Variants in IQSEC1 observed in about 807,000 individuals in gnomAD.
IQSEC1 encodes IQ motif and SEC7 domain-containing protein 1.
Under a neutral mutation model 91.0 loss-of-function variants are expected in IQSEC1, and 31 were observed. The observed-to-expected ratio is 0.34, with a 90% CI of 0.26 to 0.46. IQSEC1 has a LOEUF of 0.46. Ranked by LOEUF, IQSEC1 falls within the 20% of genes least tolerant of loss-of-function variation. IQSEC1 has a pLI of 1.00. For missense variants in IQSEC1, 1,388 were observed against 1,575.6 expected (o/e 0.88, Z 2.02); for synonymous variants, 699 against 662.6 (o/e 1.05, Z -0.84).
At chr3:13,032,847 G>C (rs767198471) in intron 1 of IQSEC1, among the ~76,000 whole-genome samples, 7 of 152,122 alleles carry the variant, frequency 4.6e-5, no homozygotes, top group African/African-American at 1.7e-4. Context: ...GCCTCCCAAA[G>C]TGCTGGGATT....
chr3:12,967,713 G>A lies in IQSEC1; in HGVS notation c.24-25848C>T, dbSNP rs1265325284. On this transcript the variant is annotated intron_variant, in intron 1 of 13. Transcript: ENST00000613206. This position sits in a 1 kb window ranked among gnomAD's most constrained non-coding sequence, Gnocchi z 5.9. Reference sequence around the variant, plus strand: ...TGGCGCAGCGCGAGGCCGGGCCGGAGGAATGTGGCCCTGAAGTGGGCGGGG... The same window carrying A: ...TGGCGCAGCGCGAGGCCGGGCCGGAAGAATGTGGCCCTGAAGTGGGCGGGG... 1 of 1,119,630 alleles carries A rather than the reference G, an allele frequency of 8.9e-7. No individual in the cohort carries two copies. The highest frequency in any genetic ancestry group is 1.1e-6 in the Non-Finnish European group (1 of 917,574). The allele number at this position is 1,119,630 out of a possible 1,614,324, so 69.4% of individuals were successfully genotyped here.
At chr3:12,978,738 T>G (rs1701314015) in intron 1 of IQSEC1, among the ~76,000 whole-genome samples, 1 of 151,922 alleles carries the variant, frequency 6.6e-6, no homozygotes. Flanking sequence ...AAAGAATCTT[T>G]GCACAACAGT....
At chr3:13,236,705 G>A (rs753969551) in intron 1 of IQSEC1, among the ~76,000 whole-genome samples, 6 of 152,206 alleles carry the variant, frequency 3.9e-5, no homozygotes, top group East Asian at 1.9e-4. Flanking sequence ...AGCTCCACCC[G>A]GGCCCCTGTG....
At chr3:13,092,190 C>G (rs1705873862) in intron 2 of IQSEC1, among the ~76,000 whole-genome samples, 2 of 152,150 alleles carry the variant, frequency 1.3e-5, no homozygotes, top group Non-Finnish European at 2.9e-5. Flanking sequence ...AGGGACATAC[C>G]AGGCAGGAGA....
At chr3:12,987,217 G>A (rs560031694) in intron 1 of IQSEC1, among the ~76,000 whole-genome samples, 120 of 152,372 alleles carry the variant, frequency 7.9e-4, no homozygotes, top group African/African-American at 2.6e-3. Flanking sequence ...TGGTCCTGCT[G>A]GGGGCGGGGA....
chr3:13,177,688 T>C (rs357138), intron 1 of IQSEC1, among the ~76,000 whole-genome samples: 113,555 of 152,248 alleles, frequency 0.75, 42,706 homozygotes, highest in African/African-American at 0.85. Context: ...CGCCGGGCCT[T>C]CTGCTAACAG....
chr3:13,171,019 G>C (rs1342587457), intron 1 of IQSEC1, among the ~76,000 whole-genome samples: 1 of 152,002 alleles, frequency 6.6e-6, no homozygotes, highest in Non-Finnish European at 1.5e-5. Context: ...AGAATAGCTT[G>C]AACCCAGGAG....
chr3:13,241,067 C>T (rs906496109), intron 1 of IQSEC1, among the ~76,000 whole-genome samples: 8 of 152,198 alleles, frequency 5.3e-5, no homozygotes, highest in African/African-American at 1.9e-4. Flanking sequence ...TCTGAAGACA[C>T]CAGAATGTGC....
chr3:12,922,094 G>A lies in IQSEC1; in HGVS notation c.1853+26C>T, dbSNP rs770273113. On this transcript the variant is annotated intron_variant, in intron 5 of 13. Coordinates refer to ENST00000613206, the MANE Select transcript of IQSEC1 (RefSeq NM_001134382.3). The surrounding 1 kb of genome is among the most constrained non-coding windows in gnomAD (Gnocchi z 5.1). ...GGGGACACCATTCTTCCCTGATGCA[G>A]CAGCCCCAGCCAGCCCGGGCCCCAC... 9.7e-6 allele frequency: 15 copies of A among 1,545,262 alleles called. No individual in the cohort carries two copies. Among genetic ancestry groups the A allele is most frequent in the African/African-American group, 4.1e-5 (3 of 72,400 alleles).
At chr3:13,047,163 T>G (rs9828397) in intron 1 of IQSEC1, among the ~76,000 whole-genome samples, 5,313 of 152,208 alleles carry the variant, frequency 0.035, 314 homozygotes, top group African/African-American at 0.12. Flanking sequence ...CCCACCAGCC[T>G]TGGATCTCGG....
At position 13,052,820 on chromosome 3, in the gene IQSEC1, C is replaced by T. The variant is rs559509249; in HGVS notation, c.23+20172G>A. 33 of 583,744 alleles carry T rather than the reference C, an allele frequency of 5.7e-5. No individual in the cohort carries two copies. The East Asian group carries it at 8.2e-4, about 14-fold the overall frequency. 36.2% of individuals were successfully genotyped at this position (583,744 alleles called of 1,614,324 possible). ...TATTACTGAACCCAGCCAACCAACG[C>T]GTTCATAACATATTCAGAGAGAAAA... On this transcript the variant is annotated intron_variant, in intron 1 of 13. Coordinates refer to ENST00000613206, the MANE Select transcript of IQSEC1 (RefSeq NM_001134382.3).
chr3:13,210,679 C>T (rs1283533467), intron 1 of IQSEC1, among the ~76,000 whole-genome samples: 1 of 152,144 alleles, frequency 6.6e-6, no homozygotes, highest in Non-Finnish European at 1.5e-5. Flanking sequence ...GGGGCTCCTC[C>T]GCTCTGAGTT....
In IQSEC1 at chr3:13,217,035, G is replaced by A. The variant is rs561324467; in HGVS notation, c.273-52902C>T. 2.9e-4 allele frequency among the ~76,000 whole-genome samples: 44 copies of A among 152,122 alleles called. 1 individual carries two copies. In the South Asian group the frequency reaches 7.1e-3, roughly 24 times the overall value. ...ATTTGCCATGGAGAAGAGCCCTGAA[G>A]GACATTCTCCCCCATTACAGATGAC... is the stretch of plus-strand genomic sequence containing the variant. On this transcript the variant is annotated intron_variant, in intron 1 of 15. Transcript: ENST00000648114.
At chr3:12,911,768 G>A (rs776795656) in intron 9 of IQSEC1, 40 bp from the exon 10 acceptor site, 54 of 1,359,950 alleles carry the variant, frequency 4.0e-5, no homozygotes, top group East Asian at 3.4e-4. Context: ...ACAGTGTCTC[G>A]GGGGGCACTG....
intron 2 of IQSEC1, among the ~76,000 whole-genome samples, chr3:13,158,119 C>T (rs903471): frequency 6.6e-6 from 1 of 152,018 alleles, no homozygotes; most frequent in African/African-American, 2.4e-5. Flanking sequence ...TTGATTCCAC[C>T]GTGCTAAGAA....
intron 1 of IQSEC1, chr3:13,022,092 C>G (rs1246963902): frequency 8.1e-7 from 1 of 1,231,724 alleles, no homozygotes; most frequent in Non-Finnish European, 1.0e-6. Context: ...CACTGCCATA[C>G]CCCTTCATGC....
intron 1 of IQSEC1, among the ~76,000 whole-genome samples, chr3:12,974,633 A>G (rs956784613): frequency 6.6e-6 from 1 of 152,230 alleles, no homozygotes; most frequent in Non-Finnish European, 1.5e-5. Flanking sequence ...CTTCAGGAGG[A>G]AATTCCACTG....
At chr3:13,141,904 G>C (rs73147145) in intron 2 of IQSEC1, among the ~76,000 whole-genome samples, 9,870 of 152,252 alleles carry the variant, frequency 0.065, 938 homozygotes, top group African/African-American at 0.21. Context: ...TTGACTGTCA[G>C]AGCTGGGAGA....
At chr3:13,014,858 G>C (rs969228846) in intron 1 of IQSEC1, among the ~76,000 whole-genome samples, 10 of 152,138 alleles carry the variant, frequency 6.6e-5, no homozygotes, top group African/African-American at 2.4e-4. Context: ...ATTTCAGAAA[G>C]ATACTGAACT....
Sources: allele counts gnomAD v4.1 joint callset (sites outside exome capture counted in the v4.1 genomes callset), GRCh38; gene constraint gnomAD v4.1.1; non-coding constraint Gnocchi (gnomAD v3.1); transcripts MANE v1.5; gene names NCBI Gene and HGNC (gene_info 2026-07-23, HGNC 2026-07-21).